The following SH3PXD2B variants were observed in gnomAD, a reference collection of about 807,000 sequenced individuals.
SH3PXD2B encodes the protein SH3 and PX domains 2B.
A neutral mutation model predicts 73.1 loss-of-function variants in SH3PXD2B; 37 were observed. That is an observed-to-expected ratio of 0.51 (90% confidence interval 0.39 to 0.67). The LOEUF (loss-of-function observed/expected upper bound fraction) is 0.67. SH3PXD2B is among the 30% of genes least tolerant of loss of function. SH3PXD2B has a pLI of 0.00. For missense variants in SH3PXD2B, 1,053 were observed against 1,197.8 expected, an observed-to-expected ratio of 0.88 and a Z score of 1.78; for synonymous variants, 457 against 480.5, an observed-to-expected ratio of 0.95 and a Z score of 0.64.
intron 12 of SH3PXD2B, among the ~76,000 whole-genome samples, chr5:172,327,948 T>C (rs1011225616): frequency 2.0e-5 from 3 of 151,848 alleles, no homozygotes; most frequent in Non-Finnish European, 4.4e-5. Context: ...AAAGATGGGG[T>C]TTCACCATGT....
At chr5:172,415,565 C>T (rs1019842219) in intron 2 of SH3PXD2B, among the ~76,000 whole-genome samples, 1 of 152,162 alleles carries the variant, frequency 6.6e-6, no homozygotes, top group African/African-American at 2.4e-5. Context: ...GAAATGGATA[C>T]AATACTGACC....
chr5:172,361,963 G>A (rs955441123), intron 7 of SH3PXD2B, among the ~76,000 whole-genome samples: 4 of 152,268 alleles, frequency 2.6e-5, no homozygotes, highest in East Asian at 1.9e-4. Context: ...AAACCCAGTC[G>A]TTTCCACTGC....
chr5:172,332,598 T>C (rs1756580769), downstream of SH3PXD2B, among the ~76,000 whole-genome samples: 3 of 140,732 alleles, frequency 2.1e-5, no homozygotes, highest in Admixed American at 2.1e-4. Context: ...ATTAATATAT[T>C]AATGACCATT....
At chr5:172,444,884 TGG>T (rs972880453) in intron 1 of SH3PXD2B, among the ~76,000 whole-genome samples, 1 of 151,862 alleles carries the variant, frequency 6.6e-6, no homozygotes, top group Non-Finnish European at 1.5e-5. Context: ...ATGGCCTTCC[TGG>T]GGGGGGACCA....
At chr5:172,381,613 C>T (rs957199821) in intron 5 of SH3PXD2B, among the ~76,000 whole-genome samples, 22 of 152,246 alleles carry the variant, frequency 1.4e-4, no homozygotes, top group Admixed American at 1.2e-3. Flanking sequence ...GATGAAATCC[C>T]GGCCCCGTTG....
rs992382054 is a variant in SH3PXD2B at position 172,421,046 on chromosome 5, G to A, written c.156+1370C>T. 3.2e-4 allele frequency among the ~76,000 whole-genome samples: 48 copies of A among 152,160 alleles called. No individual in the cohort carries two copies. Among genetic ancestry groups the A allele is most frequent in the African/African-American group, 1.1e-3 (45 of 41,426 alleles). On this transcript the variant is annotated intron_variant, in intron 2 of 12. Coordinates refer to ENST00000311601, the MANE Select transcript of SH3PXD2B (RefSeq NM_001017995.3). This position sits in a 1 kb window ranked among gnomAD's most constrained non-coding sequence, Gnocchi z 4.0. ...AGCTTCAGTTGGGTTTCTGTCACTC[G>A]CAACAGAAGCATTCTGACTGAAAAG... is the stretch of plus-strand genomic sequence containing the variant.
rs1384545037 is a variant in SH3PXD2B, at chr5:172,368,574, T to TA, written c.427+5215_427+5216insT. Among the ~76,000 whole-genome samples the TA allele has an allele frequency of 1.2e-3, 19 of 16,126 alleles. 2 individuals are homozygous for TA. The highest frequency in any genetic ancestry group is 8.7e-3 in the African/African-American group (18 of 2,072). 10.6% of individuals were successfully genotyped at this position (16,126 alleles called of 152,430 possible). A position where few individuals can be genotyped will look rare whatever the true frequency, so the allele number is the denominator to read the frequency against. On this transcript the variant is annotated intron_variant, in intron 6 of 12. Transcript: ENST00000311601. The stretch of plus-strand genomic sequence containing the variant: ...ATATATTATATATATATAAAATATG[T>TA]TATATATATATATAAAATATGTTAT...
chr5:172,378,829 G>A (rs771909225), intron 5 of SH3PXD2B, among the ~76,000 whole-genome samples: 1 of 152,162 alleles, frequency 6.6e-6, no homozygotes, highest in African/African-American at 2.4e-5. Flanking sequence ...CCAGCACTTT[G>A]GGAGGCCAAG....
intron 3 of SH3PXD2B, among the ~76,000 whole-genome samples, chr5:172,397,572 C>T (rs1441063614): frequency 1.3e-5 from 2 of 152,238 alleles, no homozygotes; most frequent in Admixed American, 6.5e-5. Context: ...TTTAAAATTT[C>T]TCTCTTTTGT....
Position 172,339,213 on chromosome 5 carries a change from G to T in SH3PXD2B, c.1892C>A (p.Pro631His), listed in dbSNP as rs1561890816. The change falls in exon 13 of 13, where the codon CCC (proline) becomes CAC (histidine). Residue 631 changes from proline to histidine, a missense_variant. Physicochemically the swap from Pro to His is moderately conservative, Grantham distance 77 (BLOSUM62 -2). Around this residue, in one of 2 missense-constraint regions of SH3PXD2B, gnomAD observed 587 missense variants for 590.7 expected, o/e 0.99. Transcript: ENST00000311601. This position sits in a 1 kb window ranked among gnomAD's most constrained non-coding sequence, Gnocchi z 6.1. ...DLPEEKPDAT[P>H]QNPFLKSRPQ... ...TCTGGACTTCAAGAAGGGATTCTGG[G>T]GAGTGGCATCTGGCTTCTCCTCTGG... is the stretch of plus-strand genomic sequence containing the variant. 1.2e-6 allele frequency: 2 copies of T among 1,614,222 alleles called. No individual in the cohort carries two copies. Among genetic ancestry groups the T allele is most frequent in the East Asian group, 4.5e-5 (2 of 44,884 alleles).
intron 6 of SH3PXD2B, among the ~76,000 whole-genome samples, chr5:172,365,906 C>T (rs1757509052): frequency 6.6e-6 from 1 of 152,186 alleles, no homozygotes; most frequent in Non-Finnish European, 1.5e-5. Context: ...CAGGATACAG[C>T]CTGCCCGAGG....
At chr5:172,392,105 A>AT (rs1411300789) in intron 4 of SH3PXD2B, among the ~76,000 whole-genome samples, 1 of 148,578 alleles carries the variant, frequency 6.7e-6, no homozygotes, top group East Asian at 2.0e-4. Flanking sequence ...TCCACCCCCT[A>AT]TTTATATATT....
chr5:172,329,075 A>ATTTTTTTTTTTT (rs1561884420), downstream of SH3PXD2B, among the ~76,000 whole-genome samples: 3 of 71,142 alleles, frequency 4.2e-5, no homozygotes, highest in African/African-American at 1.7e-4. Context: ...ATATATATAT[A>ATTTTTTTTTTTT]TATATATATT....
chr5:172,352,300 T>C (rs77324785), intron 9 of SH3PXD2B, among the ~76,000 whole-genome samples: 1,605 of 152,292 alleles, frequency 0.011, 10 homozygotes, highest in Middle Eastern at 0.031. Flanking sequence ...TCATAGCTCA[T>C]CGCAGCCTCA....
At chr5:172,344,702 T>C (rs548045342) in intron 12 of SH3PXD2B, among the ~76,000 whole-genome samples, 203 of 152,100 alleles carry the variant, frequency 1.3e-3, no homozygotes, top group African/African-American at 4.8e-3. Flanking sequence ...TTCAGAATTT[T>C]CCCAAATCTC....
downstream of SH3PXD2B, among the ~76,000 whole-genome samples, chr5:172,329,083 A>ATATATATATATATATATTTT: frequency 1.6e-5 from 1 of 61,812 alleles, no homozygotes; most frequent in African/African-American, 7.8e-5. Context: ...ATATATATAT[A>ATATATATATATATATATTTT]TTTTTTTTTT....
chr5:172,418,734 CCA>C (rs1477524545), intron 2 of SH3PXD2B, among the ~76,000 whole-genome samples: 1 of 152,200 alleles, frequency 6.6e-6, no homozygotes, highest in Non-Finnish European at 1.5e-5. Context: ...CTCCAGCCGT[CCA>C]TCTGGGACTC....
At position 172,346,351 on chromosome 5, in the gene SH3PXD2B, A is replaced by G. The variant is rs916033773; in HGVS notation, c.1063-90T>C. On this transcript the variant is annotated intron_variant, in intron 11 of 12. Coordinates refer to ENST00000311601, the MANE Select transcript of SH3PXD2B (RefSeq NM_001017995.3). ...GGAGTCTAAGGGCCTGGGGCATGCA[A>G]TCACCCTTAAGGGGGTGCTGGGGAC... The G allele has an allele frequency of 3.8e-6, 6 of 1,595,042 alleles. No individual in the cohort carries two copies. In the East Asian group the frequency reaches 9.0e-5, roughly 24 times the overall value.
exon 13 of SH3PXD2B, chr5:172,325,202 C>G (rs1756425285): frequency 8.1e-6 from 9 of 1,112,218 alleles, no homozygotes; most frequent in Non-Finnish European, 1.2e-5. Context: ...GCATATTTTA[C>G]CACGACAAAA....
Sources: allele counts gnomAD v4.1 joint callset (sites outside exome capture counted in the v4.1 genomes callset), GRCh38; gene constraint gnomAD v4.1.1; regional missense constraint gnomAD v4.1.1; non-coding constraint Gnocchi (gnomAD v3.1); transcripts MANE v1.5; gene names NCBI Gene and HGNC (gene_info 2026-07-23, HGNC 2026-07-21).